The following SEMA3D variants were observed in gnomAD, a reference collection of about 807,000 sequenced individuals.
SEMA3D encodes the protein semaphorin 3D.
SEMA3D carries 84 observed loss-of-function variants against 100.1 expected under a neutral mutation model. The ratio of observed to expected loss-of-function variants is 0.84; its 90% CI spans 0.70 to 1.01. The LOEUF is 1.01. Ranked by LOEUF, SEMA3D falls within the 50% of genes least tolerant of loss-of-function variation. SEMA3D has a pLI of 0.00. For synonymous variants in SEMA3D, 312 were observed against 320.7 expected, an observed-to-expected ratio of 0.97 and a Z score of 0.29; for missense variants, 875 against 934.1, an observed-to-expected ratio of 0.94 and a Z score of 0.82.
intron 3 of SEMA3D, among the ~76,000 whole-genome samples, chr7:85,105,136 TA>T (rs1788874717): frequency 6.6e-6 from 1 of 152,094 alleles, no homozygotes; most frequent in Non-Finnish European, 1.5e-5. Context: ...GCTGTGTAAG[TA>T]AAAACGTTTC....
intron 9 of SEMA3D, among the ~76,000 whole-genome samples, chr7:85,050,936 G>C (rs1290437381): frequency 6.6e-6 from 1 of 151,796 alleles, no homozygotes; most frequent in Non-Finnish European, 1.5e-5. Flanking sequence ...ATGTATGTGT[G>C]ATGTGTGTGT....
chr7:85,096,777 A>C (rs1460287748), intron 4 of SEMA3D, among the ~76,000 whole-genome samples: 1 of 151,912 alleles, frequency 6.6e-6, no homozygotes, highest in Non-Finnish European at 1.5e-5. Flanking sequence ...ATAATTGAAC[A>C]ACTGATATTT....
chr7:85,062,177 ACATCAAATATAT>A (rs1791496504), intron 8 of SEMA3D, among the ~76,000 whole-genome samples: 1 of 152,212 alleles, frequency 6.6e-6, no homozygotes, highest in South Asian at 2.1e-4. Context: ...CTATTATCTG[ACATCAAATATAT>A]CATCAAATGT....
chr7:85,222,477 C>G, the SEMA3D span, among the ~76,000 whole-genome samples: 3 of 152,088 alleles, frequency 2.0e-5, no homozygotes, highest in East Asian at 5.8e-4. Flanking sequence ...TGTTTTGTTT[C>G]CCACTATGGT....
Position 85,144,698 on chromosome 7 carries a change from G to C in SEMA3D, c.-41+8910C>G, listed in dbSNP as rs950977739. The C allele has an allele frequency of 2.8e-5, 28 of 984,480 alleles. No homozygotes were observed. In the African/African-American group the frequency reaches 4.7e-4, roughly 17 times the overall value. The allele number at this position is 984,480 out of a possible 1,614,324, so 61.0% of individuals were successfully genotyped here. On this transcript the variant is annotated intron_variant, in intron 2 of 18. Transcript: ENST00000284136. ...GGAGCCCAAAATTAAAGCTGTGTTTGTTCTTATTTGTTCTCTTCCCCTTGC... is the reference window on the plus strand; with the variant it reads ...GGAGCCCAAAATTAAAGCTGTGTTTCTTCTTATTTGTTCTCTTCCCCTTGC...
intron 15 of SEMA3D, among the ~76,000 whole-genome samples, chr7:85,018,039 G>T (rs1018755153): frequency 1.3e-5 from 2 of 151,692 alleles, no homozygotes; most frequent in Non-Finnish European, 2.9e-5. Flanking sequence ...CAAAGGAAGG[G>T]GAGAATGCAT....
At chr7:85,027,507 T>G (rs1389204754) in intron 12 of SEMA3D, among the ~76,000 whole-genome samples, 1 of 152,064 alleles carries the variant, frequency 6.6e-6, no homozygotes, top group Non-Finnish European at 1.5e-5. Flanking sequence ...TTTCATTATT[T>G]TACATTGGTG....
At chr7:85,025,749 CT>C (rs1790374840) in intron 12 of SEMA3D, among the ~76,000 whole-genome samples, 1 of 151,948 alleles carries the variant, frequency 6.6e-6, no homozygotes, top group Non-Finnish European at 1.5e-5. Flanking sequence ...CAGTTGCCGT[CT>C]TATACCCCTG....
chr7:85,197,391 T>TCAC, the SEMA3D span, among the ~76,000 whole-genome samples: 1 of 152,202 alleles, frequency 6.6e-6, no homozygotes, highest in Non-Finnish European at 1.5e-5. Flanking sequence ...CCCAGGTTTT[T>TCAC]AGATAAACCC....
At chr7:85,098,827 A>G (rs1329717101) in intron 3 of SEMA3D, among the ~76,000 whole-genome samples, 1 of 151,838 alleles carries the variant, frequency 6.6e-6, no homozygotes, top group East Asian at 1.9e-4. Context: ...TGCTCCACCT[A>G]TTCATCCTTC....
intron 9 of SEMA3D, among the ~76,000 whole-genome samples, chr7:85,047,842 T>C (rs779200434): frequency 6.6e-6 from 1 of 151,818 alleles, no homozygotes; most frequent in Non-Finnish European, 1.5e-5. Flanking sequence ...GCTTAAAATT[T>C]AGTTATTTTG....
At chr7:85,178,695 T>C (rs1347863983) in intron 1 of SEMA3D, among the ~76,000 whole-genome samples, 1 of 152,118 alleles carries the variant, frequency 6.6e-6, no homozygotes, top group African/African-American at 2.4e-5. Flanking sequence ...TGAGGAAAAA[T>C]TTAAGCCTGT....
At position 84,998,931 on chromosome 7, in the gene SEMA3D, T is replaced by C. The variant is rs572785881; in HGVS notation, c.*509A>G. 7.6e-4 allele frequency: 119 copies of C among 157,164 alleles called. No individual in the cohort carries two copies. Among genetic ancestry groups the C allele is most frequent in the Non-Finnish European group, 1.3e-3 (90 of 71,004 alleles). 9.7% of individuals were successfully genotyped at this position (157,164 alleles called of 1,614,324 possible). On this transcript the variant is annotated 3_prime_UTR_variant, in exon 19 of 19. Coordinates refer to ENST00000284136, the MANE Select transcript of SEMA3D (RefSeq NM_001384900.1). ...TCCTATACCATTCTCCAGGAGTGAA[T>C]GGCTCACTGAGAAAGTTCCTGTTGA...
At chr7:85,031,543 C>T (rs1384049642) in intron 12 of SEMA3D, among the ~76,000 whole-genome samples, 1 of 151,906 alleles carries the variant, frequency 6.6e-6, no homozygotes, top group African/African-American at 2.4e-5. Context: ...TTTGGTTGCT[C>T]ATTTGTTATC....
intron 3 of SEMA3D, among the ~76,000 whole-genome samples, chr7:85,110,763 T>A (rs1424487269): frequency 1.3e-5 from 2 of 152,076 alleles, no homozygotes; most frequent in African/African-American, 4.8e-5. Flanking sequence ...TGTTATTTCT[T>A]GCATTAAAAC....
At chr7:85,177,970 A>G (rs1791284855) in intron 1 of SEMA3D, among the ~76,000 whole-genome samples, 2 of 152,142 alleles carry the variant, frequency 1.3e-5, no homozygotes, top group Admixed American at 1.3e-4. Context: ...CAGTTCCCCC[A>G]TGCTGTTCTC....
intron 1 of SEMA3D, among the ~76,000 whole-genome samples, chr7:85,166,226 T>C (rs947430261): frequency 6.6e-6 from 1 of 152,034 alleles, no homozygotes; most frequent in African/African-American, 2.4e-5. Context: ...AATTATGTAT[T>C]TTTCTACACG....
chr7:85,121,956 A>T lies in SEMA3D; in HGVS notation c.-40-25T>A. ...TCTAAAAAAGAGTAAAAAAAAAAAAACTATTAAGGTATCAGCAAACTGACA... is the reference window on the plus strand; with the variant it reads ...TCTAAAAAAGAGTAAAAAAAAAAAATCTATTAAGGTATCAGCAAACTGACA... On this transcript the variant is annotated intron_variant, in intron 2 of 18. Transcript: ENST00000284136. The T allele has an allele frequency of 6.2e-6, 7 of 1,131,932 alleles. No individual in the cohort carries two copies. The South Asian group carries it at 1.1e-4, about 18-fold the overall frequency. The allele number at this position is 1,131,932 out of a possible 1,614,324, so 70.1% of individuals were successfully genotyped here. A position where few individuals can be genotyped will look rare whatever the true frequency, so the allele number is the denominator to read the frequency against.
the SEMA3D span, among the ~76,000 whole-genome samples, chr7:85,243,410 G>T: frequency 2.6e-5 from 4 of 152,070 alleles, no homozygotes; most frequent in Admixed American, 2.6e-4. Context: ...GCAACTTGTC[G>T]ATTCCGGTAC....
Sources: allele counts gnomAD v4.1 joint callset (sites outside exome capture counted in the v4.1 genomes callset), GRCh38; gene constraint gnomAD v4.1.1; transcripts MANE v1.5; gene names NCBI Gene and HGNC (gene_info 2026-07-23, HGNC 2026-07-21).